FERRY3: variants seen among roughly 807,000 people sequenced by gnomAD.
The protein encoded by FERRY3 is FERRY endosomal RAB5 effector complex subunit 3, also known as protein C12orf4.
chr12:4,536,089 C>G, the FERRY3 span: 1 of 1,609,720 alleles, frequency 6.2e-7, no homozygotes, highest in East Asian at 2.2e-5. Context: ...TTCTCTTGAA[C>G]AGGAAATTTG....
the FERRY3 span, among the ~76,000 whole-genome samples, chr12:4,520,726 A>T: frequency 5.3e-5 from 8 of 152,328 alleles, no homozygotes; most frequent in Non-Finnish European, 8.8e-5. Flanking sequence ...TCAAGAACTT[A>T]TTTGTGTAAC....
the FERRY3 span, among the ~76,000 whole-genome samples, chr12:4,514,274 G>C: frequency 6.7e-6 from 1 of 150,290 alleles, no homozygotes; most frequent in African/African-American, 2.5e-5. Flanking sequence ...TGGAGAAATA[G>C]GAACACTTTT....
chr12:4,490,598 G>C, the FERRY3 span: 4 of 1,607,480 alleles, frequency 2.5e-6, no homozygotes, highest in Non-Finnish European at 2.6e-6. Flanking sequence ...ACCTAAAATA[G>C]AAAAACAGAT....
the FERRY3 span, chr12:4,500,308 A>C: frequency 6.2e-7 from 1 of 1,614,028 alleles, no homozygotes; most frequent in Non-Finnish European, 8.5e-7. Context: ...TGGATTTCTG[A>C]GAGATTAGAA....
chr12:4,499,721 A>G, the FERRY3 span, among the ~76,000 whole-genome samples: 21 of 152,180 alleles, frequency 1.4e-4, no homozygotes, highest in Non-Finnish European at 2.8e-4. Flanking sequence ...CAGAAAATGC[A>G]GACTAATTTT....
the FERRY3 span, chr12:4,525,461 A>G: frequency 4.4e-6 from 7 of 1,605,616 alleles, no homozygotes; most frequent in South Asian, 6.7e-5. Context: ...CTGCATACCT[A>G]AAAGTCACTG....
the FERRY3 span, among the ~76,000 whole-genome samples, chr12:4,497,222 T>G: frequency 6.6e-6 from 1 of 152,198 alleles, no homozygotes; most frequent in Non-Finnish European, 1.5e-5. Flanking sequence ...TCTATAACCA[T>G]GCACAATATT....
chr12:4,533,405 T>C, the FERRY3 span, among the ~76,000 whole-genome samples: 1 of 152,184 alleles, frequency 6.6e-6, no homozygotes, highest in African/African-American at 2.4e-5. Flanking sequence ...CACTCCCACA[T>C]GCTTAGAGTC....
the FERRY3 span, among the ~76,000 whole-genome samples, chr12:4,490,350 T>G: frequency 1.3e-5 from 2 of 152,212 alleles, no homozygotes; most frequent in Non-Finnish European, 2.9e-5. Flanking sequence ...CTAATATCTT[T>G]GACAATACAC....
At chr12:4,497,234 T>C in the FERRY3 span, among the ~76,000 whole-genome samples, 4 of 152,312 alleles carry the variant, frequency 2.6e-5, no homozygotes, top group African/African-American at 9.6e-5. Context: ...CACAATATTA[T>C]GGATAGATCT....
At chr12:4,527,933 C>T in the FERRY3 span, among the ~76,000 whole-genome samples, 1 of 151,464 alleles carries the variant, frequency 6.6e-6, no homozygotes, top group African/African-American at 2.4e-5. Context: ...GTATGAATAC[C>T]AGTAAATGCA....
chr12:4,529,935 T>C, the FERRY3 span: 6 of 1,613,518 alleles, frequency 3.7e-6, no homozygotes, highest in East Asian at 2.2e-5. Context: ...AACAAAGTAA[T>C]TATGTTCCAA....
the FERRY3 span, among the ~76,000 whole-genome samples, chr12:4,503,144 T>C: frequency 2.0e-5 from 3 of 152,206 alleles, no homozygotes; most frequent in Non-Finnish European, 4.4e-5. Context: ...GTGCTCCTAA[T>C]CCCCAAATTG....
chr12:4,507,022 A>G, the FERRY3 span, among the ~76,000 whole-genome samples: 3 of 152,172 alleles, frequency 2.0e-5, no homozygotes, highest in African/African-American at 7.2e-5. Context: ...TTGAACAAGA[A>G]CAAAATAAAA....
the FERRY3 span, among the ~76,000 whole-genome samples, chr12:4,519,100 T>C: frequency 1.8e-3 from 277 of 152,354 alleles, 1 homozygote; most frequent in African/African-American, 6.4e-3. The surrounding 1 kb of genome is among the most constrained non-coding windows in gnomAD (Gnocchi z 4.3). Context: ...AGCAGATTAT[T>C]ATTTTCAATC....
the FERRY3 span, among the ~76,000 whole-genome samples, chr12:4,528,900 C>T: frequency 1.1e-5 from 1 of 91,846 alleles, no homozygotes; most frequent in South Asian, 3.9e-4. Context: ...ATCAGTTACA[C>T]ACACACACAC....
At chr12:4,522,063 T>C in the FERRY3 span, among the ~76,000 whole-genome samples, 58 of 152,308 alleles carry the variant, frequency 3.8e-4, no homozygotes, top group Non-Finnish European at 7.2e-4. Context: ...CTATGGACTT[T>C]GAATGATTAT....
chr12:4,528,678 T>C, the FERRY3 span, among the ~76,000 whole-genome samples: 3 of 152,148 alleles, frequency 2.0e-5, no homozygotes, highest in Non-Finnish European at 2.9e-5. Context: ...ATAATAAATA[T>C]GCTAATTTAG....
At chr12:4,495,710 C>G in the FERRY3 span, among the ~76,000 whole-genome samples, 214 of 152,324 alleles carry the variant, frequency 1.4e-3, no homozygotes, top group Middle Eastern at 0.01. Context: ...CGTTGTCCCA[C>G]TTGTCCAAAG....
Sources: allele counts gnomAD v4.1 joint callset (sites outside exome capture counted in the v4.1 genomes callset), GRCh38; gene constraint gnomAD v4.1.1; non-coding constraint Gnocchi (gnomAD v3.1); transcripts MANE v1.5; gene names NCBI Gene and HGNC (gene_info 2026-07-23, HGNC 2026-07-21).